The following UBR1 variants were observed in gnomAD, a reference collection of about 807,000 sequenced individuals.
UBR1 encodes ubiquitin protein ligase E3 component n-recognin 1, also known as E3 ubiquitin-protein ligase UBR1.
Under a neutral mutation model 242.1 loss-of-function variants are expected in UBR1, and 102 were observed. The observed-to-expected ratio is 0.42, with a 90% CI of 0.36 to 0.50. The LOEUF is 0.50. UBR1 is among the 20% of genes least tolerant of loss of function. The pLI, the probability that UBR1 is intolerant of heterozygous loss-of-function variation, is 0.01. For synonymous variants in UBR1, 675 were observed against 684.8 expected (o/e 0.99, Z 0.22); for missense variants, 1,772 against 2,101.8 (o/e 0.84, Z 3.07).
chr15:43,079,668 G>T (rs1171548825), intron 3 of UBR1, among the ~76,000 whole-genome samples: 2 of 152,138 alleles, frequency 1.3e-5, no homozygotes, highest in Non-Finnish European at 2.9e-5. Context: ...TGTAGTCCCA[G>T]CTACTCAGGA....
At chr15:42,990,915 C>T (rs757313902) in intron 33 of UBR1, among the ~76,000 whole-genome samples, 8 of 151,996 alleles carry the variant, frequency 5.3e-5, no homozygotes, top group Non-Finnish European at 1.0e-4. Context: ...TGCTATTTCC[C>T]GACATGAAAT....
intron 1 of UBR1, among the ~76,000 whole-genome samples, chr15:43,093,740 C>T (rs551418361): frequency 2.0e-5 from 3 of 148,970 alleles, no homozygotes; most frequent in East Asian, 4.0e-4. Flanking sequence ...AAGCCCTGAT[C>T]GCGCCACCGC....
chr15:42,990,211 G>C, intron 33 of UBR1, 91 bp from the exon 34 acceptor site: 1 of 930,988 alleles, frequency 1.1e-6, no homozygotes, highest in East Asian at 2.7e-5. Context: ...ATTTTTGACA[G>C]TCTCACTCTG....
At chr15:42,986,119 G>C (rs1263307236) in intron 35 of UBR1, among the ~76,000 whole-genome samples, 1 of 151,776 alleles carries the variant, frequency 6.6e-6, no homozygotes, top group African/African-American at 2.4e-5. Context: ...CTTAGCAGCA[G>C]ATACGAGTGT....
At chr15:43,014,393 T>C (rs551889888) in intron 29 of UBR1, among the ~76,000 whole-genome samples, 1 of 149,258 alleles carries the variant, frequency 6.7e-6, no homozygotes, top group African/African-American at 2.5e-5. Context: ...GTCTGGAAAG[T>C]GAGGAGCATC....
chr15:43,002,360 G>A (rs558845656), intron 32 of UBR1, among the ~76,000 whole-genome samples, 195 bp downstream of exon 32: 6 of 151,878 alleles, frequency 4.0e-5, no homozygotes, highest in Non-Finnish European at 7.4e-5. Context: ...GTCTACAGGC[G>A]TGTGCCACCA....
chr15:43,034,927 C>T lies in UBR1; in HGVS notation c.2190+1251G>A, dbSNP rs977346182. Among the ~76,000 whole-genome samples the T allele has an allele frequency of 6.0e-5, 9 of 150,392 alleles. No individual in the cohort carries two copies. In the East Asian group the frequency reaches 9.7e-4, roughly 16 times the overall value. ...AAAAGAAAGAAAAGAAAGAAAAACA[C>T]GTTGTTTTATCCAACAAATCCACTT... On this transcript the variant is annotated intron_variant, in intron 19 of 46. Transcript: ENST00000290650.
intron 21 of UBR1, among the ~76,000 whole-genome samples, chr15:43,028,512 C>T (rs1268512067): frequency 2.0e-5 from 3 of 151,722 alleles, no homozygotes; most frequent in East Asian, 1.9e-4. Context: ...TTTGGGAGGC[C>T]GAGGCGGGTA....
chr15:42,962,000 G>A (rs1323643610), intron 42 of UBR1, among the ~76,000 whole-genome samples: 4 of 150,076 alleles, frequency 2.7e-5, no homozygotes, highest in Non-Finnish European at 4.4e-5. Context: ...TCCTGACCTC[G>A]TGATCCAAAG....
In UBR1 at chr15:43,064,212, G is replaced by T. The variant is rs1383751376; in HGVS notation, c.798+3686C>A. ...CTATTATTTACCCGGGGGAGGAGGT[G>T]GAGAGAAGGAAATAGAGCTTGATCA... is the stretch of plus-strand genomic sequence containing the variant. On this transcript the variant is annotated intron_variant, in intron 6 of 46. Coordinates refer to ENST00000290650, the MANE Select transcript of UBR1 (RefSeq NM_174916.3). Among the ~76,000 whole-genome samples, 5 of 152,168 alleles carry T rather than the reference G, an allele frequency of 3.3e-5. No individual in the cohort carries two copies. The East Asian group carries it at 7.7e-4, about 23-fold the overall frequency.
At chr15:43,082,167 G>T (rs1218173789) in intron 3 of UBR1, among the ~76,000 whole-genome samples, 1 of 151,580 alleles carries the variant, frequency 6.6e-6, no homozygotes, top group East Asian at 1.9e-4. Context: ...TTAACAACAT[G>T]AAAAAAACAT....
chr15:43,093,274 C>T (rs2141366956), intron 1 of UBR1, among the ~76,000 whole-genome samples: 1 of 152,312 alleles, frequency 6.6e-6, no homozygotes, highest in South Asian at 2.1e-4. Flanking sequence ...GTTTAAACCA[C>T]AATTTGACCT....
At chr15:43,092,078 C>A in intron 1 of UBR1, 1 of 436,516 alleles carries the variant, frequency 2.3e-6, no homozygotes, top group Non-Finnish European at 4.6e-6. Context: ...AGTGAGACCC[C>A]ATCTCAAAAA....
At chr15:42,990,237 C>A (rs953999310) in intron 33 of UBR1, 117 bp from the exon 34 acceptor site, 1 of 750,962 alleles carries the variant, frequency 1.3e-6, no homozygotes, top group African/African-American at 1.8e-5. Context: ...CATGCTGGAG[C>A]ACAGTGGCAT....
intron 5 of UBR1, 98 bp from the exon 6 acceptor site, chr15:43,068,134 T>G: frequency 1.3e-6 from 1 of 776,236 alleles, no homozygotes; most frequent in Non-Finnish European, 1.9e-6. Flanking sequence ...AACATCTGTG[T>G]AGTTTCCAAC....
intron 1 of UBR1, among the ~76,000 whole-genome samples, chr15:43,094,623 C>A (rs566359802): frequency 1.3e-5 from 2 of 152,174 alleles, no homozygotes; most frequent in Admixed American, 6.5e-5. Context: ...AAAGTGCAGA[C>A]AACTAAAACC....
chr15:42,949,965 A>C (rs941653555), intron 46 of UBR1, among the ~76,000 whole-genome samples: 4 of 150,712 alleles, frequency 2.7e-5, no homozygotes, highest in Admixed American at 2.6e-4. Flanking sequence ...CAGCCTCCCA[A>C]GTAGCTGCGA....
intron 4 of UBR1, among the ~76,000 whole-genome samples, chr15:43,073,084 C>T (rs2141348541): frequency 6.6e-6 from 1 of 151,994 alleles, no homozygotes; most frequent in Admixed American, 6.6e-5. Context: ...CTGCTTGAAC[C>T]CAGGAGGTGG....
At chr15:43,078,468 T>C (rs766993971) in intron 3 of UBR1, among the ~76,000 whole-genome samples, 1 of 151,748 alleles carries the variant, frequency 6.6e-6, no homozygotes, top group African/African-American at 2.4e-5. Flanking sequence ...CCCTTGAGCA[T>C]GAAATGAGAA....
Sources: gnomAD v4.1 joint callset for allele counts (sites outside exome capture counted in the v4.1 genomes callset) on GRCh38, gnomAD v4.1.1 for gene constraint, MANE v1.5 for transcripts, NCBI Gene and HGNC (gene_info 2026-07-23, HGNC 2026-07-21) for gene names.